Variants in MCC observed in about 807,000 individuals in gnomAD.
MCC encodes the protein colorectal mutant cancer protein.
A neutral mutation model predicts 116.2 loss-of-function variants in MCC; 90 were observed. The observed-to-expected ratio is 0.77, with a 90% CI of 0.65 to 0.92. MCC has a LOEUF of 0.92. MCC is among the 40% of genes least tolerant of loss of function. MCC has a pLI of 0.00. For synonymous variants in MCC, 578 were observed against 510.5 expected, an observed-to-expected ratio of 1.13 and a Z score of -1.78; for missense variants, 1,516 against 1,312.2, an observed-to-expected ratio of 1.16 and a Z score of -2.40.
At chr5:113,230,465 A>G (rs1763900914) in intron 3 of MCC, among the ~76,000 whole-genome samples, 1 of 152,184 alleles carries the variant, frequency 6.6e-6, no homozygotes, top group South Asian at 2.1e-4. Context: ...TATATGCAAC[A>G]TTGCCCATCT....
At chr5:113,195,842 G>A (rs367860359) in intron 3 of MCC, among the ~76,000 whole-genome samples, 18 of 152,004 alleles carry the variant, frequency 1.2e-4, no homozygotes, top group African/African-American at 3.9e-4. Flanking sequence ...GGCTTTCAGG[G>A]TCTCTCATCT....
At chr5:113,133,849 A>T (rs1321942673) in intron 5 of MCC, among the ~76,000 whole-genome samples, 6 of 152,018 alleles carry the variant, frequency 3.9e-5, no homozygotes, top group Non-Finnish European at 5.9e-5. Context: ...TCTCATTGTG[A>T]TTTTGAATAC....
At chr5:113,267,165 T>TA (rs1291433128) in intron 3 of MCC, among the ~76,000 whole-genome samples, 1 of 152,178 alleles carries the variant, frequency 6.6e-6, no homozygotes, top group Non-Finnish European at 1.5e-5. Context: ...ATCGTCCCTG[T>TA]AGCAGGCCCT....
intron 1 of MCC, among the ~76,000 whole-genome samples, chr5:113,454,050 C>T (rs890210014): frequency 2.0e-5 from 3 of 152,094 alleles, no homozygotes; most frequent in East Asian, 3.9e-4. Context: ...GCGGAGTTTG[C>T]GGTGGACGGA....
At chr5:113,158,738 T>A (rs1025392369) in intron 3 of MCC, among the ~76,000 whole-genome samples, 3 of 152,214 alleles carry the variant, frequency 2.0e-5, no homozygotes, top group African/African-American at 7.2e-5. Flanking sequence ...CTAATAAATA[T>A]TAGGTTGGTG....
intron 1 of MCC, among the ~76,000 whole-genome samples, chr5:113,429,852 A>G (rs2150410329): frequency 6.6e-6 from 1 of 152,368 alleles, no homozygotes. Context: ...AAACCAACAC[A>G]GTCAATGACA....
chr5:113,376,668 A>G (rs955545741), intron 2 of MCC, among the ~76,000 whole-genome samples: 5 of 88,744 alleles, frequency 5.6e-5, no homozygotes, highest in South Asian at 2.5e-4. Context: ...ACATAAAAAG[A>G]AAACTTCCAT....
Position 113,183,671 on chromosome 5 carries a change from C to T in MCC, c.628-32249G>A, listed in dbSNP as rs576293551. On this transcript the variant is annotated intron_variant, in intron 3 of 18. Coordinates refer to ENST00000408903, the MANE Select transcript of MCC (RefSeq NM_001085377.2). ...AGTCTCATACGCAGAGAGAGTTGGGCATCTGGAGAAGTGTGCAGACCCAAA... is the reference window on the plus strand; with the variant it reads ...AGTCTCATACGCAGAGAGAGTTGGGTATCTGGAGAAGTGTGCAGACCCAAA... 3.3e-5 allele frequency among the ~76,000 whole-genome samples: 5 copies of T among 152,262 alleles called. No individual in the cohort carries two copies. In the South Asian group the frequency reaches 1.0e-3, roughly 32 times the overall value.
intron 3 of MCC, among the ~76,000 whole-genome samples, chr5:113,242,003 A>G (rs1764386885): frequency 6.6e-6 from 1 of 152,224 alleles, no homozygotes; most frequent in African/African-American, 2.4e-5. Flanking sequence ...GAGAACGACC[A>G]AATCAAACAA....
chr5:113,057,122 G>GC (rs1752886465), intron 14 of MCC, among the ~76,000 whole-genome samples: 1 of 152,198 alleles, frequency 6.6e-6, no homozygotes, highest in African/African-American at 2.4e-5. Context: ...AGAACGAGAT[G>GC]GTGACTGAAG....
chr5:113,125,321 A>G lies in MCC; in HGVS notation c.885-2495T>C, dbSNP rs1011872670. Among the ~76,000 whole-genome samples the G allele has an allele frequency of 5.3e-5, 8 of 152,346 alleles. No homozygotes were observed. The South Asian group carries it at 1.0e-3, about 20-fold the overall frequency. On this transcript the variant is annotated intron_variant, in intron 5 of 18. Transcript: ENST00000408903. Reference sequence around the variant, plus strand: ...ATGCATTCCAGCTATGGTAATCATTATAAGTATTCTAGAACAAAAACGACA... The same window carrying G: ...ATGCATTCCAGCTATGGTAATCATTGTAAGTATTCTAGAACAAAAACGACA...
intron 1 of MCC, among the ~76,000 whole-genome samples, chr5:113,385,729 C>T (rs985888688): frequency 2.6e-5 from 4 of 152,150 alleles, no homozygotes; most frequent in Admixed American, 6.5e-5. Context: ...TCTTGACTTT[C>T]GTGGTTCAAT....
intron 1 of MCC, among the ~76,000 whole-genome samples, chr5:113,459,866 A>G (rs897817258): frequency 1.3e-5 from 2 of 151,788 alleles, no homozygotes; most frequent in South Asian, 2.1e-4. Context: ...ACAGGCATGC[A>G]TACATATGTG....
At chr5:113,187,420 CT>C (rs1322609767) in intron 3 of MCC, among the ~76,000 whole-genome samples, 1 of 152,116 alleles carries the variant, frequency 6.6e-6, no homozygotes, top group Non-Finnish European at 1.5e-5. Flanking sequence ...CCTCTGTTTC[CT>C]TTTAAGAAGA....
intron 1 of MCC, among the ~76,000 whole-genome samples, chr5:113,423,347 C>G (rs970885748): frequency 3.9e-5 from 6 of 152,098 alleles, no homozygotes; most frequent in African/African-American, 1.4e-4. Context: ...GTTAATGAAT[C>G]AACAATCTAT....
At chr5:113,389,473 C>A (rs1006853497) in intron 1 of MCC, among the ~76,000 whole-genome samples, 7 of 152,228 alleles carry the variant, frequency 4.6e-5, no homozygotes, top group Non-Finnish European at 8.8e-5. Flanking sequence ...CACTTCCATG[C>A]AGTCCTGGCA....
intron 17 of MCC, among the ~76,000 whole-genome samples, chr5:113,043,244 C>T (rs1262749523): frequency 3.3e-5 from 5 of 152,160 alleles, no homozygotes; most frequent in East Asian, 1.9e-4. Flanking sequence ...AACACTGTCC[C>T]GGAAGTTTCT....
chr5:113,123,920 A>G (rs910948006), intron 5 of MCC, among the ~76,000 whole-genome samples: 35 of 152,206 alleles, frequency 2.3e-4, no homozygotes, highest in Non-Finnish European at 4.1e-4. Context: ...GAAAGTCTAC[A>G]GTGTTGGATT....
At chr5:113,066,250 T>C (rs1365905116) in intron 13 of MCC, among the ~76,000 whole-genome samples, 1 of 152,184 alleles carries the variant, frequency 6.6e-6, no homozygotes, top group Non-Finnish European at 1.5e-5. Flanking sequence ...CCTGAACAGG[T>C]TAAGACACTC....
Sources: gnomAD v4.1 joint callset for allele counts (sites outside exome capture counted in the v4.1 genomes callset) on GRCh38, gnomAD v4.1.1 for gene constraint, MANE v1.5 for transcripts, NCBI Gene and HGNC (gene_info 2026-07-23, HGNC 2026-07-21) for gene names.